EXOC6: variants seen among roughly 807,000 people sequenced by gnomAD.
The protein encoded by EXOC6 is SEC15-like 1.
Under a neutral mutation model 112.5 loss-of-function variants are expected in EXOC6, and 60 were observed. That is an observed-to-expected ratio of 0.53 (90% CI 0.43 to 0.66). EXOC6 has a LOEUF of 0.66. Among genes scored for constraint, EXOC6 ranks in the 30% least tolerant of loss-of-function variants. The pLI is 0.00. For missense variants in EXOC6, 855 were observed against 957.1 expected (o/e 0.89, Z 1.41); for synonymous variants, 295 against 308.0 (o/e 0.96, Z 0.44).
At chr10:92,887,285 T>TTATTGGCC (rs1849268070) in intron 1 of EXOC6, among the ~76,000 whole-genome samples, 1 of 152,156 alleles carries the variant, frequency 6.6e-6, no homozygotes, top group Non-Finnish European at 1.5e-5. Flanking sequence ...CAGTCAGCTA[T>TTATTGGCC]TTATTATTGG....
At chr10:92,875,374 A>T (rs7089852) in intron 1 of EXOC6, among the ~76,000 whole-genome samples, 8 of 152,172 alleles carry the variant, frequency 5.3e-5, no homozygotes, top group African/African-American at 4.8e-5. Context: ...TACACACACA[A>T]ATATATTTTA....
intron 17 of EXOC6, 27 bp from the exon 18 acceptor site, chr10:92,974,026 C>T: frequency 6.5e-7 from 1 of 1,527,300 alleles, no homozygotes; most frequent in South Asian, 1.2e-5. Context: ...TGTTTCTTGT[C>T]TTTGTTGTTA....
chr10:92,987,325 A>G (rs560100991), intron 18 of EXOC6, among the ~76,000 whole-genome samples: 1 of 152,312 alleles, frequency 6.6e-6, no homozygotes, highest in Admixed American at 6.5e-5. Context: ...ATAAGTGCTA[A>G]AGCTCTTGGT....
intron 17 of EXOC6, among the ~76,000 whole-genome samples, chr10:92,959,545 A>G (rs1381016623): frequency 6.6e-6 from 1 of 152,196 alleles, no homozygotes; most frequent in Admixed American, 6.5e-5. Context: ...CTGTTCTATG[A>G]AAGACCCTGT....
chr10:92,834,657 G>GTA, upstream of EXOC6: 1 of 1,001,410 alleles, frequency 1.0e-6, no homozygotes, highest in East Asian at 2.5e-5. Context: ...AAGGAAAACG[G>GTA]TATTTTTTTT....
At chr10:92,830,982 A>G (rs920182538), upstream of EXOC6, among the ~76,000 whole-genome samples, 2 of 152,030 alleles carry the variant, frequency 1.3e-5, no homozygotes, top group Admixed American at 6.5e-5. Context: ...GAGACAGGGG[A>G]GATTGTTTTC....
At chr10:92,921,374 A>AC (rs777012221) in intron 8 of EXOC6, among the ~76,000 whole-genome samples, 88 of 150,514 alleles carry the variant, frequency 5.8e-4, no homozygotes, top group Admixed American at 1.9e-3. Flanking sequence ...CCTCCCAAGT[A>AC]GCTGGGTTTA....
At chr10:92,999,608 AAG>A (rs1843659562) in intron 19 of EXOC6, among the ~76,000 whole-genome samples, 1 of 152,150 alleles carries the variant, frequency 6.6e-6, no homozygotes, top group Admixed American at 6.5e-5. Flanking sequence ...TTTTGTGTGT[AAG>A]AGAGAAAGAT....
At chr10:92,995,799 G>A (rs1039634937) in intron 18 of EXOC6, among the ~76,000 whole-genome samples, 4 of 151,990 alleles carry the variant, frequency 2.6e-5, no homozygotes, top group Non-Finnish European at 4.4e-5. Flanking sequence ...TGTTTGCATC[G>A]GCTTTTATCT....
At position 93,058,552 on chromosome 10, in the gene EXOC6, G is replaced by GA. The variant is rs528006967; in HGVS notation, c.*204dup. 2 of 395,566 alleles carry GA rather than the reference G, an allele frequency of 5.1e-6. No individual in the cohort carries two copies. The highest frequency in any genetic ancestry group is 1.1e-4 in the South Asian group (1 of 8,738). The allele number at this position is 395,566 out of a possible 1,614,324, so 24.5% of individuals were successfully genotyped here. A position where few individuals can be genotyped will look rare whatever the true frequency, so the allele number is the denominator to read the frequency against. ...ATAATCGAATACTATTTTATATATG[G>GA]AAAAAAATGACCATTTTTTCACTTT... is the stretch of plus-strand genomic sequence containing the variant. On this transcript the variant is annotated 3_prime_UTR_variant, in exon 22 of 22. Transcript: ENST00000260762.
intron 16 of EXOC6, 87 bp from the exon 17 acceptor site, chr10:92,955,493 C>A: frequency 9.4e-7 from 1 of 1,062,358 alleles, no homozygotes; most frequent in South Asian, 1.4e-5. Flanking sequence ...GGTACAGTTG[C>A]TGGAAGTAAT....
intron 14 of EXOC6, 62 bp downstream of exon 14, chr10:92,948,441 C>T: frequency 1.0e-6 from 1 of 966,080 alleles, no homozygotes; most frequent in Non-Finnish European, 1.5e-6. Context: ...TTTGTTACTA[C>T]ATAATATTAA....
At chr10:93,045,069 C>T (rs950640772) in intron 20 of EXOC6, among the ~76,000 whole-genome samples, 4 of 152,154 alleles carry the variant, frequency 2.6e-5, no homozygotes, top group African/African-American at 9.7e-5. Context: ...GAAGGGGTTT[C>T]GCCATGTTGG....
At chr10:92,928,782 A>G (rs1036260851) in intron 9 of EXOC6, among the ~76,000 whole-genome samples, 1 of 152,194 alleles carries the variant, frequency 6.6e-6, no homozygotes. Flanking sequence ...TAGACATTTA[A>G]AACAAACAAA....
chr10:92,981,921 G>A (rs886893916), intron 18 of EXOC6, among the ~76,000 whole-genome samples: 10 of 152,166 alleles, frequency 6.6e-5, no homozygotes, highest in Non-Finnish European at 1.2e-4. Flanking sequence ...TTCGAGACCA[G>A]CCTGACCAAC....
At chr10:92,934,616 G>A (rs1419210291) in intron 11 of EXOC6, among the ~76,000 whole-genome samples, 186 bp downstream of exon 11, 1 of 151,942 alleles carries the variant, frequency 6.6e-6, no homozygotes, top group Non-Finnish European at 1.5e-5. Flanking sequence ...CAACTGACTG[G>A]GGCTTCCCAA....
At position 93,029,911 on chromosome 10, in the gene EXOC6, C is replaced by CT. The variant is rs202117289; in HGVS notation, c.2169+15658dup. Among the ~76,000 whole-genome samples, 1,413 of 141,484 alleles carry CT rather than the reference C, an allele frequency of 1.0e-2. 35 individuals carry two copies. The East Asian group carries it at 0.11, about 11-fold the overall frequency. The allele number at this position is 141,484 out of a possible 152,430, so 92.8% of individuals were successfully genotyped here. A position where few individuals can be genotyped will look rare whatever the true frequency, so the allele number is the denominator to read the frequency against. ...GGATCTCATAGTGTTTTTCTTTTTT[C>CT]TTTTTTTTTTTTTTGAGATGGAGTT... is the stretch of plus-strand genomic sequence containing the variant. On this transcript the variant is annotated intron_variant, in intron 20 of 21. Transcript: ENST00000260762.
chr10:93,020,857 AC>A (rs1240490190), intron 20 of EXOC6, among the ~76,000 whole-genome samples: 1 of 140,880 alleles, frequency 7.1e-6, no homozygotes, highest in Non-Finnish European at 1.5e-5. Context: ...CCTCTTTCCC[AC>A]CCCCGCCCAC....
intron 4 of EXOC6, among the ~76,000 whole-genome samples, chr10:92,896,177 ATATATTTTTTTTTTTTTT>A (rs1564810071): frequency 0.021 from 335 of 16,142 alleles, 18 homozygotes; most frequent in African/African-American, 0.035. Flanking sequence ...ATATATATAT[ATATATTTTTTTTTTTTTT>A]TTTTTTTTTT....
Sources: allele counts gnomAD v4.1 joint callset (sites outside exome capture counted in the v4.1 genomes callset), GRCh38; gene constraint gnomAD v4.1.1; transcripts MANE v1.5; gene names NCBI Gene and HGNC (gene_info 2026-07-23, HGNC 2026-07-21).